GCC2: variants seen among roughly 807,000 people sequenced by gnomAD.
GCC2 encodes GRIP and coiled-coil domain-containing protein 2.
Under a neutral mutation model 210.6 loss-of-function variants are expected in GCC2, and 120 were observed. The ratio of observed to expected loss-of-function variants is 0.57; its 90% CI spans 0.49 to 0.66. The LOEUF is 0.66. Among genes scored for constraint, GCC2 ranks in the 30% least tolerant of loss-of-function variants. GCC2 has a pLI of 0.00. For missense variants in GCC2, 1,868 were observed against 1,871.9 expected (o/e 1.00, Z 0.04); for synonymous variants, 703 against 652.7 (o/e 1.08, Z -1.17).
chr2:108,450,001 A>C, intron 2 of GCC2: 1 of 296,676 alleles, frequency 3.4e-6, no homozygotes, highest in Non-Finnish European at 6.3e-6. Context: ...TAGGGTAGGA[A>C]TCAAGGGATT....
intron 7 of GCC2, among the ~76,000 whole-genome samples, chr2:108,474,394 T>C (rs1205262027): frequency 6.6e-6 from 1 of 152,188 alleles, no homozygotes; most frequent in African/African-American, 2.4e-5. Flanking sequence ...CCATTGCTAG[T>C]GCTGCTGATG....
chr2:108,475,395 T>C (rs1212808376), intron 7 of GCC2, 140 bp from the exon 8 acceptor site: 6 of 480,450 alleles, frequency 1.2e-5, no homozygotes, highest in South Asian at 4.3e-5. Flanking sequence ...CTTTAAAAAA[T>C]GATATTACTG....
At position 108,451,036 on chromosome 2, in the gene GCC2, A is replaced by T. The variant is rs763945167; in HGVS notation, c.72A>T (p.Thr24=). The change falls in exon 3 of 23, where the codon ACA becomes ACT. Residue 24 remains threonine, a synonymous_variant. Coordinates refer to ENST00000309863, the MANE Select transcript of GCC2 (RefSeq NM_181453.4). Reference sequence around the variant, plus strand: ...ATGACCACATCTTTCAGCTGGAAACATTGCCCAAAGAAGACCTCATCAAGT... The same window carrying T: ...ATGACCACATCTTTCAGCTGGAAACTTTGCCCAAAGAAGACCTCATCAAGT... ...TPGTGKSKLE[T]LPKEDLIKFA... 5.6e-6 allele frequency: 9 copies of T among 1,610,292 alleles called. No homozygotes were observed. Among genetic ancestry groups the T allele is most frequent in the Non-Finnish European group, 4.2e-6 (5 of 1,176,662 alleles).
Position 108,495,475 on chromosome 2 carries a change from A to G in GCC2, c.4632A>G (p.Glu1544=). 3.8e-6 allele frequency: 6 copies of G among 1,589,866 alleles called. No homozygotes were observed. Among genetic ancestry groups the G allele is most frequent in the Non-Finnish European group, 5.1e-6 (6 of 1,175,738 alleles). ...TAGAGCAGCTGCTTAACTCTCCCGAAACTAAACTTGGTATGTTACTCTGTC... is the reference window on the plus strand; with the variant it reads ...TAGAGCAGCTGCTTAACTCTCCCGAGACTAAACTTGGTATGTTACTCTGTC... ...QSLEQLLNSP[E]TKLEPPLWHA... Residue 1544 remains glutamate, a synonymous_variant, in exon 20 of 23, where the codon GAA becomes GAG. Transcript: ENST00000309863.
Position 108,484,269 on chromosome 2 carries a change from A to C in GCC2, c.3571A>C (p.Lys1191Gln), listed in dbSNP as rs746022977. 1 of 1,552,188 alleles carries C rather than the reference A, an allele frequency of 6.4e-7. No homozygotes were observed. Among genetic ancestry groups the C allele is most frequent in the African/African-American group, 1.4e-5 (1 of 71,902 alleles). The stretch of plus-strand genomic sequence containing the variant: ...GATAGAAGATTTGGAGCAAGAAATA[A>C]AAATTCAAAAACAGAAACAAGAAAC... ...NKIEDLEQEI[K>Q]IQKQKQETLQ... The change falls in exon 13 of 23, where the codon AAA (lysine) becomes CAA (glutamine). Residue 1191 changes from lysine to glutamine, a missense_variant. Around this residue, in one of 3 missense-constraint regions of GCC2, gnomAD observed 1,847 missense variants for 1,765.2 expected, o/e 1.05. Transcript: ENST00000309863.
chr2:108,481,611 C>A, intron 9 of GCC2, 86 bp from the exon 10 acceptor site: 2 of 949,778 alleles, frequency 2.1e-6, no homozygotes, highest in South Asian at 1.9e-5. Context: ...AGAATGGACT[C>A]ATGAATCTTA....
intron 7 of GCC2, chr2:108,474,874 C>T (rs758830254): frequency 4.6e-5 from 7 of 152,064 alleles, no homozygotes; most frequent in African/African-American, 1.4e-4. Flanking sequence ...GGTAATGAGA[C>T]GCAGGATGAA....
intron 4 of GCC2, among the ~76,000 whole-genome samples, chr2:108,459,152 TG>T (rs1663084562): frequency 6.6e-6 from 1 of 152,206 alleles, no homozygotes; most frequent in Admixed American, 6.5e-5. Flanking sequence ...CTGCTTTTGT[TG>T]TATCACATAG....
chr2:108,490,110 G>T (rs1184253450), intron 18 of GCC2, 96 bp downstream of exon 18: 1 of 891,724 alleles, frequency 1.1e-6, no homozygotes, highest in Non-Finnish European at 1.6e-6. Flanking sequence ...ATGCAGATTA[G>T]AAAATAAAAA....
At chr2:108,461,523 G>A (rs1042118342) in intron 4 of GCC2, among the ~76,000 whole-genome samples, 21 of 151,760 alleles carry the variant, frequency 1.4e-4, no homozygotes, top group Non-Finnish European at 2.2e-4. Flanking sequence ...TTTTGTTTTC[G>A]AGGCATAGTT....
At chr2:108,453,843 T>G (rs796861259) in intron 4 of GCC2, among the ~76,000 whole-genome samples, 12 of 151,908 alleles carry the variant, frequency 7.9e-5, no homozygotes, top group African/African-American at 2.7e-4. Flanking sequence ...TCCACTCCCT[T>G]AATGCTAACA....
chr2:108,487,900 A>ATTT (rs1008834430), intron 17 of GCC2, 80 bp downstream of exon 17: 496 of 647,180 alleles, frequency 7.7e-4, no homozygotes, highest in East Asian at 1.4e-3. Context: ...TCCTATTATG[A>ATTT]TTTTTTTTTT....
At chr2:108,482,056 C>A (rs553105353) in intron 10 of GCC2, among the ~76,000 whole-genome samples, 1 of 152,004 alleles carries the variant, frequency 6.6e-6, no homozygotes, top group African/African-American at 2.4e-5. Context: ...GTTTGTTTTT[C>A]GTTTCTGCTC....
intron 21 of GCC2, among the ~76,000 whole-genome samples, chr2:108,498,188 T>C (rs1301996349): frequency 2.7e-5 from 3 of 109,408 alleles, no homozygotes; most frequent in Non-Finnish European, 5.7e-5. Context: ...ATTTTCTTTT[T>C]TTTTTTTTTT....
At chr2:108,497,162 C>T (rs558418673) in intron 21 of GCC2, 53 bp downstream of exon 21, 9 of 1,611,080 alleles carry the variant, frequency 5.6e-6, no homozygotes, top group African/African-American at 5.3e-5. Context: ...GTTTTCTTGA[C>T]CCTCCATACA....
intron 4 of GCC2, chr2:108,462,521 T>G (rs1382909677): frequency 6.9e-6 from 1 of 144,508 alleles, no homozygotes; most frequent in Non-Finnish European, 1.5e-5. Flanking sequence ...AAATATTTGG[T>G]CACTTTATGG....
intron 2 of GCC2, chr2:108,450,067 AT>A (rs1217008949): frequency 1.0e-5 from 2 of 192,262 alleles, no homozygotes; most frequent in African/African-American, 4.7e-5. Context: ...GTCCAGTTTT[AT>A]GGCCCTGTAC....
intron 4 of GCC2, among the ~76,000 whole-genome samples, chr2:108,460,811 T>C (rs940408215): frequency 1.3e-5 from 2 of 152,184 alleles, no homozygotes; most frequent in African/African-American, 4.8e-5. Flanking sequence ...GACTGGATCA[T>C]GGGGATGAAC....
chr2:108,485,364 T>G (rs1271381161), intron 13 of GCC2, among the ~76,000 whole-genome samples: 1 of 152,090 alleles, frequency 6.6e-6, no homozygotes, highest in African/African-American at 2.4e-5. Flanking sequence ...TAGTCCACAT[T>G]TATTCACTTT....
Sources: allele counts gnomAD v4.1 joint callset (sites outside exome capture counted in the v4.1 genomes callset), GRCh38; gene constraint gnomAD v4.1.1; regional missense constraint gnomAD v4.1.1; transcripts MANE v1.5; gene names NCBI Gene and HGNC (gene_info 2026-07-23, HGNC 2026-07-21).